Variants in MICALL2 observed in about 807,000 individuals in gnomAD.
The protein encoded by MICALL2 is MICAL like 2, also known as MICAL-like protein 2.
Under a neutral mutation model 91.1 loss-of-function variants are expected in MICALL2, and 111 were observed. The ratio of observed to expected loss-of-function variants is 1.22; its 90% CI spans 1.04 to 1.43. The LOEUF is 1.43. Among genes scored for constraint, MICALL2 ranks in the 40% most tolerant of loss-of-function variants. The pLI is 0.00. For synonymous variants in MICALL2, 694 were observed against 525.3 expected (o/e 1.32, Z -4.39); for missense variants, 1,556 against 1,236.0 (o/e 1.26, Z -3.88).
intron 1 of MICALL2, 74 bp from the exon 2 acceptor site, chr7:1,450,362 A>G: frequency 1.6e-6 from 2 of 1,276,584 alleles, no homozygotes; most frequent in Non-Finnish European, 2.3e-6. Flanking sequence ...CTCAGAGGTC[A>G]TCTTGCCCAA....
At chr7:1,437,780 G>T in intron 13 of MICALL2, 110 bp downstream of exon 13, 1 of 1,247,588 alleles carries the variant, frequency 8.0e-7, no homozygotes, top group Non-Finnish European at 1.1e-6. Flanking sequence ...TGGACCTGCC[G>T]CACAGACATG....
At chr7:1,459,108 C>CG in intron 1 of MICALL2, 76 bp downstream of exon 1, 1 of 1,452,268 alleles carries the variant, frequency 6.9e-7, no homozygotes, top group Non-Finnish European at 9.3e-7. Flanking sequence ...CCCAGCCGCC[C>CG]GGGCCTCAGT....
rs1780067953 is a variant in MICALL2 at position 1,438,111 on chromosome 7, C to T, written c.2297G>A (p.Arg766Gln). ...LRGVELEKRL[R>Q]AAEGDDAEDS... ...GAGGCGCTCACCTCCCTCGGCCGCC[C>T]GCAGTCGCTTCTCCAGCTCCACGCC... The change falls in exon 12 of 17, where the codon CGG becomes CAG. Residue 766 changes from arginine to glutamine, a missense_variant. Arg to Gln is a conservative substitution (Grantham distance 43). Transcript: ENST00000297508. 4 of 1,564,526 alleles carry T rather than the reference C, an allele frequency of 2.6e-6. No homozygotes were observed. Among genetic ancestry groups the T allele is most frequent in the South Asian group, 1.2e-5 (1 of 85,200 alleles).
At chr7:1,437,678 A>G in intron 13 of MICALL2, 70 bp from the exon 14 acceptor site, 1 of 1,472,198 alleles carries the variant, frequency 6.8e-7, no homozygotes, top group Non-Finnish European at 9.2e-7. Flanking sequence ...CCCAGCCCGC[A>G]ACGAGGTCCT....
intron 2 of MICALL2, among the ~76,000 whole-genome samples, chr7:1,449,159 AG>A (rs1780727314): frequency 6.6e-6 from 1 of 152,214 alleles, no homozygotes; most frequent in South Asian, 2.1e-4. Context: ...TCGCCATGTC[AG>A]GGCTCCCAGG....
At chr7:1,444,545 C>CCA in intron 6 of MICALL2, 107 bp downstream of exon 6, 1 of 1,124,584 alleles carries the variant, frequency 8.9e-7, no homozygotes, top group Non-Finnish European at 1.2e-6. Context: ...GTCCCCAAGG[C>CCA]CACACAGCCA....
chr7:1,436,658 C>A (rs564020529), intron 15 of MICALL2, 84 bp downstream of exon 15: 2 of 1,005,560 alleles, frequency 2.0e-6, no homozygotes, highest in Admixed American at 2.6e-5. Context: ...GAAAGTTCTA[C>A]GGGGCTGGCT....
At position 1,459,364 on chromosome 7, in the gene MICALL2, C is replaced by T. The variant is rs1352184713; in HGVS notation, c.-38G>A. 1 of 1,449,018 alleles carries T rather than the reference C, an allele frequency of 6.9e-7. No individual in the cohort carries two copies. Among genetic ancestry groups the T allele is most frequent in the African/African-American group, 1.5e-5 (1 of 66,948 alleles). 89.8% of individuals were successfully genotyped at this position (1,449,018 alleles called of 1,614,324 possible). On this transcript the variant is annotated 5_prime_UTR_variant, in exon 1 of 17. Transcript: ENST00000297508. ...CCCGCCGCGCGGCGGAACCGCCCTC[C>T]GACACCTTCCCGCGGCTGTGCCGCG... is the stretch of plus-strand genomic sequence containing the variant.
At chr7:1,450,887 G>C (rs970902607) in intron 1 of MICALL2, among the ~76,000 whole-genome samples, 6 of 152,194 alleles carry the variant, frequency 3.9e-5, no homozygotes, top group Non-Finnish European at 4.4e-5. Context: ...CCTTCTCAGC[G>C]CTTCACAAAT....
At chr7:1,446,963 G>A (rs953289930) in intron 4 of MICALL2, 135 bp from the exon 5 acceptor site, 33 of 656,592 alleles carry the variant, frequency 5.0e-5, no homozygotes, top group Admixed American at 1.4e-4. Context: ...GCAGGGCTGC[G>A]GTCGGGGTCA....
chr7:1,448,022 G>A (rs529119408), intron 3 of MICALL2: 25 of 243,096 alleles, frequency 1.0e-4, no homozygotes, highest in South Asian at 5.5e-4. Context: ...GGCAGGGCAG[G>A]CCCTGTGCCC....
intron 1 of MICALL2, among the ~76,000 whole-genome samples, chr7:1,453,369 G>T (rs554697976): frequency 1.3e-5 from 2 of 152,120 alleles, no homozygotes; most frequent in Non-Finnish European, 2.9e-5. Context: ...GGATGTGAAG[G>T]CACAGGGCGA....
intron 1 of MICALL2, chr7:1,450,587 G>T: frequency 5.3e-6 from 2 of 378,738 alleles, no homozygotes; most frequent in South Asian, 2.8e-5. Flanking sequence ...CAGGAAGCAG[G>T]CCTGGGAGGT....
chr7:1,457,195 T>C (rs530382680), intron 1 of MICALL2, among the ~76,000 whole-genome samples: 3 of 152,306 alleles, frequency 2.0e-5, no homozygotes, highest in South Asian at 2.1e-4. Flanking sequence ...CCATATCTAC[T>C]GAACCCCAAC....
At chr7:1,457,162 C>T (rs186766825) in intron 1 of MICALL2, among the ~76,000 whole-genome samples, 1 of 152,294 alleles carries the variant, frequency 6.6e-6, no homozygotes, top group East Asian at 1.9e-4. Flanking sequence ...TCCTTCTGCA[C>T]GTGGGCACCT....
chr7:1,435,014 G>C, intron 16 of MICALL2, 87 bp downstream of exon 16: 4 of 518,042 alleles, frequency 7.7e-6, no homozygotes, highest in South Asian at 3.1e-5. Context: ...CTGGAGGCCC[G>C]GTCCACCCAG....
intron 15 of MICALL2, among the ~76,000 whole-genome samples, chr7:1,436,117 C>G (rs757324146): frequency 6.6e-6 from 1 of 151,622 alleles, no homozygotes; most frequent in Non-Finnish European, 1.5e-5. Context: ...CGGCCAGTTA[C>G]GGTGGCTCAT....
Position 1,442,690 on chromosome 7 carries a change from C to T in MICALL2, c.1419-206G>A, listed in dbSNP as rs545731036. On this transcript the variant is annotated intron_variant, in intron 6 of 16. Coordinates refer to ENST00000297508, the MANE Select transcript of MICALL2 (RefSeq NM_182924.4). Reference sequence around the variant, plus strand: ...CTCCCCCACCATTGCACCAGGCTGCCCCTCTGCCTCCCTGCAGCTCGCTCC... The same window carrying T: ...CTCCCCCACCATTGCACCAGGCTGCTCCTCTGCCTCCCTGCAGCTCGCTCC... Among the ~76,000 whole-genome samples, 13 of 141,034 alleles carry T rather than the reference C, an allele frequency of 9.2e-5. No individual in the cohort carries two copies. The East Asian group carries it at 2.1e-3, about 23-fold the overall frequency. 92.5% of individuals were successfully genotyped at this position (141,034 alleles called of 152,430 possible). A position where few individuals can be genotyped will look rare whatever the true frequency, so the allele number is the denominator to read the frequency against.
intron 7 of MICALL2, 174 bp downstream of exon 7, chr7:1,442,014 CAGAG>C (rs2128521164): frequency 2.7e-6 from 2 of 737,352 alleles, no homozygotes; most frequent in Admixed American, 2.6e-5. Flanking sequence ...AGCCACCACA[CAGAG>C]AGCGCACCAG....
Sources: allele counts gnomAD v4.1 joint callset (sites outside exome capture counted in the v4.1 genomes callset), GRCh38; gene constraint gnomAD v4.1.1; transcripts MANE v1.5; gene names NCBI Gene and HGNC (gene_info 2026-07-23, HGNC 2026-07-21).